Variants in NRG3 observed in about 807,000 individuals in gnomAD.
The protein encoded by NRG3 is neuregulin 3.
In NRG3, 31 loss-of-function variants were observed where a neutral mutation model predicts 66.9. The observed-to-expected ratio is 0.46, with a 90% CI of 0.35 to 0.63. The LOEUF is 0.63. Among genes scored for constraint, NRG3 ranks in the 20% least tolerant of loss-of-function variants. NRG3 has a pLI of 0.00. For missense variants in NRG3, 910 were observed against 878.9 expected (o/e 1.04, Z -0.45); for synonymous variants, 393 against 359.4 (o/e 1.09, Z -1.06).
chr10:82,055,349 C>T (rs1372812544), intron 1 of NRG3, among the ~76,000 whole-genome samples: 8 of 151,364 alleles, frequency 5.3e-5, no homozygotes, highest in African/African-American at 1.7e-4. Context: ...TGGTGACAGG[C>T]GCCTGTAATC....
chr10:82,157,021 A>G (rs1237460554), intron 1 of NRG3, among the ~76,000 whole-genome samples: 1 of 151,672 alleles, frequency 6.6e-6, no homozygotes, highest in African/African-American at 2.4e-5. Context: ...TGTAGTAATG[A>G]TGGGGATTAA....
chr10:82,468,671 A>G (rs922363497), intron 2 of NRG3, among the ~76,000 whole-genome samples: 2 of 152,230 alleles, frequency 1.3e-5, no homozygotes, highest in Middle Eastern at 3.2e-3. Flanking sequence ...TAGGAATAGA[A>G]TAGTCTGCTG....
intron 1 of NRG3, among the ~76,000 whole-genome samples, chr10:82,102,045 A>G (rs2066760373): frequency 6.9e-6 from 1 of 144,474 alleles, no homozygotes; most frequent in African/African-American, 2.5e-5. Flanking sequence ...GCACATATAA[A>G]TGTAATGTGT....
At chr10:82,378,662 C>T (rs534544444) in intron 2 of NRG3, among the ~76,000 whole-genome samples, 3 of 152,168 alleles carry the variant, frequency 2.0e-5, no homozygotes, top group East Asian at 1.9e-4. Context: ...CCTCCACCTC[C>T]TGGGTTCAAG....
At chr10:82,094,046 G>A (rs1002989667) in intron 1 of NRG3, among the ~76,000 whole-genome samples, 5 of 152,092 alleles carry the variant, frequency 3.3e-5, no homozygotes, top group African/African-American at 1.2e-4. Context: ...CGACACAAAT[G>A]TAAGGTATTA....
intron 2 of NRG3, among the ~76,000 whole-genome samples, chr10:82,485,807 A>T (rs1290137959): frequency 6.6e-6 from 1 of 151,238 alleles, no homozygotes; most frequent in African/African-American, 2.4e-5. Context: ...AAAAAAAAAT[A>T]GGCTGGTGAG....
intron 2 of NRG3, among the ~76,000 whole-genome samples, chr10:82,453,323 T>C (rs2091108977): frequency 6.6e-6 from 1 of 152,176 alleles, no homozygotes; most frequent in Admixed American, 6.5e-5. Flanking sequence ...GTCTTCATAA[T>C]TGTACTTTTT....
chr10:82,869,484 C>T (rs1247200262), intron 4 of NRG3, among the ~76,000 whole-genome samples: 2 of 152,016 alleles, frequency 1.3e-5, no homozygotes, highest in African/African-American at 4.8e-5. Flanking sequence ...ATTATATTAT[C>T]CTACAGAGTA....
intron 1 of NRG3, among the ~76,000 whole-genome samples, chr10:82,311,371 A>G (rs11596426): frequency 0.1 from 15,746 of 152,238 alleles, 1,058 homozygotes; most frequent in Non-Finnish European, 0.16. Context: ...GTGTAGCACA[A>G]TGTTATGACC....
At chr10:82,126,531 G>T (rs988837276) in intron 1 of NRG3, among the ~76,000 whole-genome samples, 1 of 152,016 alleles carries the variant, frequency 6.6e-6, no homozygotes, top group South Asian at 2.1e-4. Flanking sequence ...AGTATGCAGA[G>T]ATTTAATTGA....
At chr10:82,931,090 G>C (rs76992568) in intron 4 of NRG3, among the ~76,000 whole-genome samples, 14,275 of 152,150 alleles carry the variant, frequency 0.094, 899 homozygotes, top group African/African-American at 0.17. Context: ...AGCAGCCACT[G>C]CACACATCCC....
At chr10:81,891,013 A>C (rs1842964459) in intron 1 of NRG3, among the ~76,000 whole-genome samples, 1 of 152,204 alleles carries the variant, frequency 6.6e-6, no homozygotes, top group South Asian at 2.1e-4. Flanking sequence ...AATGAATTGC[A>C]TAAAAATAAA....
chr10:82,863,098 A>C (rs535167837), intron 3 of NRG3, among the ~76,000 whole-genome samples: 2 of 152,294 alleles, frequency 1.3e-5, no homozygotes, highest in African/African-American at 4.8e-5. Context: ...CTTATGAGTG[A>C]GAACATGTGG....
chr10:82,198,104 A>C (rs1445133237), intron 1 of NRG3, among the ~76,000 whole-genome samples: 2 of 152,194 alleles, frequency 1.3e-5, no homozygotes, highest in Non-Finnish European at 2.9e-5. Flanking sequence ...TGTTCCATTA[A>C]AAGCCCCTGC....
chr10:82,521,569 T>A (rs923806307), intron 2 of NRG3, among the ~76,000 whole-genome samples: 1 of 152,128 alleles, frequency 6.6e-6, no homozygotes. Context: ...CTCAATCTCC[T>A]GACCTCGTGA....
chr10:82,975,915 T>A (rs1852205127), intron 7 of NRG3, among the ~76,000 whole-genome samples: 2 of 152,230 alleles, frequency 1.3e-5, no homozygotes, highest in South Asian at 4.1e-4. Flanking sequence ...ATAACTCATA[T>A]ATGAAACAGA....
intron 2 of NRG3, among the ~76,000 whole-genome samples, chr10:82,649,642 C>T (rs917835694): frequency 1.3e-5 from 2 of 151,744 alleles, no homozygotes; most frequent in Non-Finnish European, 2.9e-5. Context: ...TTAATAGAGA[C>T]AGAGTTTCAC....
At chr10:82,538,605 CA>C (rs957835409) in intron 2 of NRG3, among the ~76,000 whole-genome samples, 1 of 151,762 alleles carries the variant, frequency 6.6e-6, no homozygotes, top group Non-Finnish European at 1.5e-5. Flanking sequence ...CCTAAGATGG[CA>C]AAACCCTAAC....
intron 2 of NRG3, among the ~76,000 whole-genome samples, chr10:82,572,734 T>C (rs1452214656): frequency 6.6e-6 from 1 of 151,568 alleles, no homozygotes; most frequent in East Asian, 1.9e-4. Context: ...ATCAGAGGAG[T>C]TGCTTAAGAA....
Sources: gnomAD v4.1 joint callset for allele counts (sites outside exome capture counted in the v4.1 genomes callset) on GRCh38, gnomAD v4.1.1 for gene constraint, MANE v1.5 for transcripts, NCBI Gene and HGNC (gene_info 2026-07-23, HGNC 2026-07-21) for gene names.